DNAAF9: variants seen among roughly 807,000 people sequenced by gnomAD.
The protein encoded by DNAAF9 is shulin.
DNAAF9 carries 90 observed loss-of-function variants against 167.0 expected under a neutral mutation model. The observed-to-expected ratio is 0.54, with a 90% CI of 0.45 to 0.64. DNAAF9 has a LOEUF of 0.64. Among genes scored for constraint, DNAAF9 ranks in the 30% least tolerant of loss-of-function variants. DNAAF9 has a pLI of 0.00. For synonymous variants in DNAAF9, 491 were observed against 508.8 expected, an observed-to-expected ratio of 0.96 and a Z score of 0.47; for missense variants, 1,315 against 1,442.2, an observed-to-expected ratio of 0.91 and a Z score of 1.43.
chr20:3,314,611 G>A lies in DNAAF9; in HGVS notation c.1678+422C>T, dbSNP rs2236113. 9.9e-4 allele frequency among the ~76,000 whole-genome samples: 151 copies of A among 152,304 alleles called. 1 individual carries two copies. In the East Asian group the frequency reaches 0.028, roughly 28 times the overall value. On this transcript the variant is annotated intron_variant, in intron 20 of 36. Transcript: ENST00000252032. ...GCTGATGCCTTGATTTTGACCTCAA[G>A]AGATCTGGGTCCAGCCAAGCCTGCC...
At chr20:3,314,284 G>A (rs1040809341) in intron 20 of DNAAF9, among the ~76,000 whole-genome samples, 3 of 152,134 alleles carry the variant, frequency 2.0e-5, no homozygotes, top group Non-Finnish European at 4.4e-5. Context: ...GAGGTAACAA[G>A]GGACATGAAT....
At chr20:3,255,888 G>T (rs2068271162) in intron 34 of DNAAF9, 118 bp downstream of exon 34, 2 of 740,840 alleles carry the variant, frequency 2.7e-6, no homozygotes, top group Non-Finnish European at 2.3e-6. Context: ...CTGGGCCAGG[G>T]AGAGGAAGCC....
intron 29 of DNAAF9, among the ~76,000 whole-genome samples, chr20:3,274,933 G>A (rs897470703): frequency 6.6e-6 from 1 of 152,214 alleles, no homozygotes; most frequent in Admixed American, 6.5e-5. Context: ...CAGGACCCCT[G>A]GTCCCCTGCC....
At chr20:3,331,286 A>T (rs192600818) in intron 11 of DNAAF9, among the ~76,000 whole-genome samples, 2 of 152,182 alleles carry the variant, frequency 1.3e-5, no homozygotes, top group African/African-American at 4.8e-5. Context: ...TTAAACTTCG[A>T]GACATCAGTA....
At chr20:3,301,376 C>T (rs915156294) in intron 21 of DNAAF9, among the ~76,000 whole-genome samples, 1 of 152,048 alleles carries the variant, frequency 6.6e-6, no homozygotes, top group African/African-American at 2.4e-5. Context: ...TTAGTAGAGA[C>T]GGCATTTCAC....
intron 20 of DNAAF9, among the ~76,000 whole-genome samples, chr20:3,307,863 T>C (rs1041337937): frequency 4.0e-5 from 6 of 151,648 alleles, no homozygotes; most frequent in African/African-American, 1.5e-4. Context: ...GCCCAGTCTA[T>C]GTGAGGAGGG....
intron 35 of DNAAF9, 95 bp from the exon 36 acceptor site, chr20:3,253,914 G>A: frequency 2.6e-6 from 2 of 755,828 alleles, no homozygotes; most frequent in African/African-American, 1.7e-5. Context: ...TAGCAAGATA[G>A]ACTACTCTGC....
At chr20:3,259,021 C>G (rs1368011294) in intron 33 of DNAAF9, among the ~76,000 whole-genome samples, 1 of 152,158 alleles carries the variant, frequency 6.6e-6, no homozygotes, top group Non-Finnish European at 1.5e-5. Context: ...AGCAAGGGCT[C>G]CAGAGGTCTA....
chr20:3,272,170 C>T (rs1057444762), intron 29 of DNAAF9, among the ~76,000 whole-genome samples: 7 of 152,042 alleles, frequency 4.6e-5, no homozygotes, highest in Non-Finnish European at 1.0e-4. Context: ...ACAATGAACT[C>T]CTTAATATAA....
intron 33 of DNAAF9, 41 bp from the exon 34 acceptor site, chr20:3,256,252 G>A: frequency 7.3e-7 from 1 of 1,376,196 alleles, no homozygotes; most frequent in Non-Finnish European, 1.0e-6. Context: ...AGCCTGCCTT[G>A]AAAGGATACA....
Position 3,315,727 on chromosome 20 carries a change from C to G in DNAAF9, c.1590+8G>C, listed in dbSNP as rs780198521. 9.8e-5 allele frequency: 157 copies of G among 1,607,168 alleles called. No individual in the cohort carries two copies. The highest frequency in any genetic ancestry group is 1.3e-4 in the Non-Finnish European group (155 of 1,173,802). On this transcript the variant is annotated splice_region_variant and intron_variant, in intron 19 of 36. Transcript: ENST00000252032. The surrounding 1 kb of genome is among the most constrained non-coding windows in gnomAD (Gnocchi z 4.1). ...AATGTTCACACTGAGAATAAGAAGGCTGCTTACCCTCACTGCTTGCTGGGT... is the reference window on the plus strand; with the variant it reads ...AATGTTCACACTGAGAATAAGAAGGGTGCTTACCCTCACTGCTTGCTGGGT...
intron 21 of DNAAF9, among the ~76,000 whole-genome samples, chr20:3,303,454 C>T (rs571134105): frequency 6.6e-6 from 1 of 151,812 alleles, no homozygotes; most frequent in Non-Finnish European, 1.5e-5. Flanking sequence ...TATTTTTTGT[C>T]GAAATTAGCT....
chr20:3,380,289 T>C (rs1363823434), intron 3 of DNAAF9, among the ~76,000 whole-genome samples: 2 of 152,182 alleles, frequency 1.3e-5, no homozygotes, highest in Non-Finnish European at 2.9e-5. Flanking sequence ...AAAATTGTAA[T>C]GGAAGGAGTA....
chr20:3,290,288 T>C (rs1035560289), intron 25 of DNAAF9, 71 bp from the exon 26 acceptor site: 7 of 962,776 alleles, frequency 7.3e-6, no homozygotes, highest in Non-Finnish European at 1.2e-5. Flanking sequence ...TTAAGAGAAC[T>C]GACTTCTGGT....
At chr20:3,276,670 C>G (rs1019007174) in intron 29 of DNAAF9, among the ~76,000 whole-genome samples, 2 of 152,072 alleles carry the variant, frequency 1.3e-5, no homozygotes, top group Non-Finnish European at 2.9e-5. Context: ...GTTCCTCATG[C>G]AAAAAAGAAG....
intron 12 of DNAAF9, among the ~76,000 whole-genome samples, chr20:3,328,533 A>T (rs945248034): frequency 6.6e-6 from 1 of 152,112 alleles, no homozygotes; most frequent in African/African-American, 2.4e-5. Context: ...TGGATCTGTG[A>T]TTTGGCAAAT....
At position 3,258,518 on chromosome 20, in the gene DNAAF9, G is replaced by A. The variant is rs1305047057; in HGVS notation, c.3055+962C>T. 2.0e-5 allele frequency among the ~76,000 whole-genome samples: 3 copies of A among 152,232 alleles called. No individual in the cohort carries two copies. In the East Asian group the frequency reaches 5.8e-4, roughly 29 times the overall value. ...CACAGCAATCCAATGAGATAAGTCGGCAGAGAAATTGGGGGAGGCGCTGCA... is the reference window on the plus strand; with the variant it reads ...CACAGCAATCCAATGAGATAAGTCGACAGAGAAATTGGGGGAGGCGCTGCA... On this transcript the variant is annotated intron_variant, in intron 33 of 36. Transcript: ENST00000252032.
chr20:3,309,484 C>G (rs2069363700), intron 20 of DNAAF9, among the ~76,000 whole-genome samples: 1 of 152,116 alleles, frequency 6.6e-6, no homozygotes, highest in Non-Finnish European at 1.5e-5. Flanking sequence ...GTGTTATTTT[C>G]TTTCCCAATG....
intron 6 of DNAAF9, among the ~76,000 whole-genome samples, chr20:3,366,035 T>C (rs999502218): frequency 1.3e-5 from 2 of 152,216 alleles, no homozygotes; most frequent in African/African-American, 4.8e-5. Context: ...AAGTCATTCA[T>C]GAGAGCTGGA....
Sources: allele counts gnomAD v4.1 joint callset (sites outside exome capture counted in the v4.1 genomes callset), GRCh38; gene constraint gnomAD v4.1.1; non-coding constraint Gnocchi (gnomAD v3.1); transcripts MANE v1.5; gene names NCBI Gene and HGNC (gene_info 2026-07-23, HGNC 2026-07-21).